The following FARSB variants were observed in gnomAD, a reference collection of about 807,000 sequenced individuals.
FARSB encodes phenylalanine--tRNA ligase beta subunit.
In FARSB, 40 loss-of-function variants were observed where a neutral mutation model predicts 69.6. The ratio of observed to expected loss-of-function variants is 0.57; its 90% CI spans 0.45 to 0.75. FARSB has a LOEUF of 0.75. Among genes scored for constraint, FARSB ranks in the 30% least tolerant of loss-of-function variants. The probability of loss-of-function intolerance (pLI) is 0.00; values close to 1 mark genes in which losing one functional copy is unlikely to be tolerated. For missense variants in FARSB, 632 were observed against 722.9 expected (o/e 0.87, Z 1.44); for synonymous variants, 235 against 247.2 (o/e 0.95, Z 0.46).
chr2:222,640,778 CTTTG>C lies in FARSB; in HGVS notation c.339+80_339+83del, dbSNP rs539371782. 6.2e-4 allele frequency: 436 copies of C among 702,604 alleles called. 2 individuals are homozygous for C. In the African/African-American group the frequency reaches 6.9e-3, roughly 11 times the overall value. 43.5% of individuals were successfully genotyped at this position (702,604 alleles called of 1,614,324 possible). On this transcript the variant is annotated intron_variant, in intron 4 of 16. Coordinates refer to ENST00000281828, the MANE Select transcript of FARSB (RefSeq NM_005687.5). ...CTCAAAACAAAAAAAAAAGAGTAAG[CTTTG>C]TTTCTCTTTCCTCCCCACTTTATAC...
Position 222,633,957 on chromosome 2 carries a change from C to T in FARSB, c.606+434G>A, listed in dbSNP as rs186225841. The stretch of plus-strand genomic sequence containing the variant: ...CAAGGATGACCCTGCTTTTTCTAAA[C>T]GACACCTATTTTTTCTACTTATTAA... On this transcript the variant is annotated intron_variant, in intron 6 of 16. Coordinates refer to ENST00000281828, the MANE Select transcript of FARSB (RefSeq NM_005687.5). Among the ~76,000 whole-genome samples, 69 of 152,234 alleles carry T rather than the reference C, an allele frequency of 4.5e-4. No homozygotes were observed. In the East Asian group the frequency reaches 5.6e-3, roughly 12 times the overall value.
At chr2:222,579,892 C>T (rs971813208) in intron 16 of FARSB, among the ~76,000 whole-genome samples, 1 of 152,160 alleles carries the variant, frequency 6.6e-6, no homozygotes, top group Non-Finnish European at 1.5e-5. Flanking sequence ...CTTGCAACTG[C>T]CTCCCCTGAC....
At chr2:222,615,501 G>A (rs1011264357) in intron 14 of FARSB, among the ~76,000 whole-genome samples, 1 of 152,168 alleles carries the variant, frequency 6.6e-6, no homozygotes, top group South Asian at 2.1e-4. Flanking sequence ...TGCTGCTTCC[G>A]CAGGCTTACT....
chr2:222,593,852 C>T (rs534803998), intron 16 of FARSB, among the ~76,000 whole-genome samples: 81 of 151,692 alleles, frequency 5.3e-4, no homozygotes, highest in Non-Finnish European at 4.4e-5. Flanking sequence ...AGAGTGAGAC[C>T]CTGTCTCAAC....
intron 4 of FARSB, 21 bp downstream of exon 4, chr2:222,640,841 A>G: frequency 7.3e-7 from 1 of 1,364,380 alleles, no homozygotes. Context: ...TAAAAGAAAA[A>G]TAAGAATTTG....
chr2:222,619,131 G>A (rs1691074072), intron 14 of FARSB, among the ~76,000 whole-genome samples: 1 of 150,494 alleles, frequency 6.6e-6, no homozygotes, highest in African/African-American at 2.4e-5. Context: ...GACAGAGCGA[G>A]ACTCTGTCTC....
At chr2:222,644,425 A>G in intron 2 of FARSB, 1 of 387,360 alleles carries the variant, frequency 2.6e-6, no homozygotes, top group Non-Finnish European at 5.3e-6. Flanking sequence ...AAAGAAAAGA[A>G]GGGGAATGGG....
At chr2:222,575,021 G>A (rs1204985038) in intron 16 of FARSB, among the ~76,000 whole-genome samples, 4 of 152,244 alleles carry the variant, frequency 2.6e-5, no homozygotes, top group African/African-American at 7.2e-5. Context: ...TTTGCAGGCA[G>A]AAGGGAATTG....
At position 222,633,118 on chromosome 2, in the gene FARSB, CAA is replaced by C. The variant is rs1205767284; in HGVS notation, c.715+79_715+80del. The C allele has an allele frequency of 3.8e-6, 3 of 784,510 alleles. No homozygotes were observed. The South Asian group carries it at 4.3e-5, about 11-fold the overall frequency. 48.6% of individuals were successfully genotyped at this position (784,510 alleles called of 1,614,324 possible). A position where few individuals can be genotyped will look rare whatever the true frequency, so the allele number is the denominator to read the frequency against. On this transcript the variant is annotated intron_variant, in intron 7 of 16. Coordinates refer to ENST00000281828, the MANE Select transcript of FARSB (RefSeq NM_005687.5). ...ATGAGTTATTTGAATTTGATTCAGC[CAA>C]GTCTATTGAGAATTCTACAGAAATG...
chr2:222,600,864 G>T (rs1425064171), intron 15 of FARSB, among the ~76,000 whole-genome samples: 2 of 152,120 alleles, frequency 1.3e-5, no homozygotes, highest in East Asian at 3.9e-4. Context: ...GTGGCTGATG[G>T]TTACACTAGT....
At chr2:222,645,724 A>G (rs1868025) in intron 2 of FARSB, among the ~76,000 whole-genome samples, 129,502 of 151,872 alleles carry the variant, frequency 0.85, 56,141 homozygotes, top group African/African-American at 0.97. Flanking sequence ...GTATTTTACC[A>G]TAGAATTTCT....
In FARSB at chr2:222,640,862, C is replaced by A; in HGVS notation, c.339G>T (p.Glu113Asp). ...AAAAATAAGAATTTGTCCTTATTAC[C>A]TCTTCTGTGATAATCAATTTCTGGA... ...GKIQKLIITEETAKIRPFAVA... is the reference protein window; with the variant it reads ...GKIQKLIITEDTAKIRPFAVA... Residue 113 changes from glutamate to aspartate, a missense_variant and splice_region_variant, in exon 4 of 17, where the codon GAG becomes GAT. Transcript: ENST00000281828. 6.6e-7 allele frequency: 1 copy of A among 1,512,410 alleles called. No individual in the cohort carries two copies. Among genetic ancestry groups the A allele is most frequent in the East Asian group, 2.3e-5 (1 of 43,684 alleles). The allele number at this position is 1,512,410 out of a possible 1,614,324, so 93.7% of individuals were successfully genotyped here.
At chr2:222,649,460 C>T (rs1465279821) in intron 1 of FARSB, among the ~76,000 whole-genome samples, 1 of 152,210 alleles carries the variant, frequency 6.6e-6, no homozygotes, top group Non-Finnish European at 1.5e-5. Context: ...CAGAATGTCA[C>T]ATAAGTCCTA....
intron 2 of FARSB, among the ~76,000 whole-genome samples, chr2:222,643,750 G>A (rs529060141): frequency 5.3e-5 from 8 of 152,322 alleles, no homozygotes; most frequent in Non-Finnish European, 1.0e-4. Context: ...AAGGGATAGT[G>A]CAGCAGAATG....
chr2:222,587,584 A>G (rs896862040), intron 16 of FARSB, among the ~76,000 whole-genome samples: 2 of 152,198 alleles, frequency 1.3e-5, no homozygotes, highest in African/African-American at 4.8e-5. Flanking sequence ...TTTTTTGAAA[A>G]GATCAACAAA....
At position 222,637,426 on chromosome 2, in the gene FARSB, T is replaced by C. The variant is rs768787843; in HGVS notation, c.455+2154A>G. ...GAGAACTCTGAAGATATGCAGAGGG[T>C]CCCACTGGAATACTGGTGAGCTCAG... On this transcript the variant is annotated intron_variant, in intron 5 of 16. Coordinates refer to ENST00000281828, the MANE Select transcript of FARSB (RefSeq NM_005687.5). Among the ~76,000 whole-genome samples, 11 of 151,746 alleles carry C rather than the reference T, an allele frequency of 7.2e-5. 1 individual carries two copies. In the South Asian group the frequency reaches 8.4e-4, roughly 12 times the overall value.
rs1206277707 is a variant in FARSB, at chr2:222,570,211, T to A, written c.*1660A>T. The stretch of plus-strand genomic sequence containing the variant: ...TGTTTGCTCAACTCTTGCACATTTT[T>A]AAAAAACAGTTGTTTTATTTTTACT... On this transcript the variant is annotated 3_prime_UTR_variant, in exon 17 of 17. Coordinates refer to ENST00000281828, the MANE Select transcript of FARSB (RefSeq NM_005687.5). Among the ~76,000 whole-genome samples, 1 of 152,226 alleles carries A rather than the reference T, an allele frequency of 6.6e-6. No homozygotes were observed. The highest frequency in any genetic ancestry group is 1.5e-5 in the Non-Finnish European group (1 of 68,044).
intron 16 of FARSB, among the ~76,000 whole-genome samples, chr2:222,598,266 T>C (rs1313785958): frequency 1.3e-5 from 2 of 152,362 alleles, no homozygotes; most frequent in African/African-American, 4.8e-5. Flanking sequence ...GTCCTACTTA[T>C]CATTGTCTTT....
In FARSB at chr2:222,613,791, C is replaced by T; in HGVS notation, c.1462+20G>A. ...AATGTTTTAAATACACAAATCAAAT[C>T]AAAGGTGACTTATTCTTACCTGTAT... On this transcript the variant is annotated intron_variant, in intron 15 of 16. Coordinates refer to ENST00000281828, the MANE Select transcript of FARSB (RefSeq NM_005687.5). 7.3e-7 allele frequency: 1 copy of T among 1,372,760 alleles called. No homozygotes were observed. The highest frequency in any genetic ancestry group is 1.0e-6 in the Non-Finnish European group (1 of 963,896). The allele number at this position is 1,372,760 out of a possible 1,614,324, so 85.0% of individuals were successfully genotyped here. A position where few individuals can be genotyped will look rare whatever the true frequency, so the allele number is the denominator to read the frequency against.
Sources: gnomAD v4.1 joint callset for allele counts (sites outside exome capture counted in the v4.1 genomes callset) on GRCh38, gnomAD v4.1.1 for gene constraint, MANE v1.5 for transcripts, NCBI Gene and HGNC (gene_info 2026-07-23, HGNC 2026-07-21) for gene names.